CIMIP6: variants seen among roughly 807,000 people sequenced by gnomAD.
CIMIP6 encodes the protein ciliary microtubule inner protein 6.
the CIMIP6 span, among the ~76,000 whole-genome samples, chr2:54,347,043 C>A: frequency 6.6e-6 from 1 of 152,148 alleles, no homozygotes; most frequent in Non-Finnish European, 1.5e-5. Flanking sequence ...TGTTTCCAAA[C>A]CAGATTTATG....
At chr2:54,338,357 C>CAGTAAATTTTTTGTTAGTCTTTCCCT in the CIMIP6 span, among the ~76,000 whole-genome samples, 233 of 16,676 alleles carry the variant, frequency 0.014, 64 homozygotes, top group Non-Finnish European at 0.037. Flanking sequence ...ATGGCTTGAG[C>CAGTAAATTTTTTGTTAGTCTTTCCCT]TCAGGAGTTC....
the CIMIP6 span, among the ~76,000 whole-genome samples, chr2:54,341,405 G>C: frequency 6.6e-6 from 1 of 152,152 alleles, no homozygotes; most frequent in South Asian, 2.1e-4. Flanking sequence ...TACCAAACCT[G>C]CCAGTGCCTT....
At chr2:54,368,095 C>T in the CIMIP6 span, among the ~76,000 whole-genome samples, 2 of 152,140 alleles carry the variant, frequency 1.3e-5, no homozygotes, top group African/African-American at 4.8e-5. Flanking sequence ...ATTTTCATGA[C>T]TAGAATATTA....
chr2:54,342,817 AC>A, the CIMIP6 span, among the ~76,000 whole-genome samples: 2 of 152,156 alleles, frequency 1.3e-5, no homozygotes, highest in African/African-American at 2.4e-5. Flanking sequence ...ACCGGAAGTT[AC>A]TTTCATATCC....
chr2:54,335,149 G>A, the CIMIP6 span: 1 of 706,168 alleles, frequency 1.4e-6, no homozygotes. Flanking sequence ...TAATCCAATA[G>A]TTAAAAGCAG....
the CIMIP6 span, chr2:54,358,886 A>G: frequency 3.2e-6 from 2 of 617,512 alleles, no homozygotes; most frequent in Non-Finnish European, 5.4e-6. Flanking sequence ...CATATTTTAT[A>G]TTATTAATAC....
the CIMIP6 span, among the ~76,000 whole-genome samples, chr2:54,352,066 ATAAACT>A: frequency 6.6e-6 from 1 of 152,166 alleles, no homozygotes; most frequent in South Asian, 2.1e-4. Flanking sequence ...AATACTGTTT[ATAAACT>A]TAATCAGATT....
chr2:54,371,941 A>G, the CIMIP6 span, among the ~76,000 whole-genome samples: 1 of 152,198 alleles, frequency 6.6e-6, no homozygotes, highest in Non-Finnish European at 1.5e-5. Context: ...TATCTGTTAA[A>G]TGATAATGTG....
At chr2:54,371,082 T>C in the CIMIP6 span, among the ~76,000 whole-genome samples, 13 of 152,342 alleles carry the variant, frequency 8.5e-5, no homozygotes, top group East Asian at 2.5e-3. Context: ...CAGACACTGT[T>C]ATTCCTTTCC....
the CIMIP6 span, among the ~76,000 whole-genome samples, chr2:54,348,375 G>A: frequency 6.6e-6 from 1 of 152,188 alleles, no homozygotes; most frequent in East Asian, 1.9e-4. Flanking sequence ...TTTAGCTCAA[G>A]AACCTGGCAT....
chr2:54,378,080 A>G, the CIMIP6 span, among the ~76,000 whole-genome samples: 1 of 152,218 alleles, frequency 6.6e-6, no homozygotes, highest in Non-Finnish European at 1.5e-5. Flanking sequence ...CGGGAGCATC[A>G]GGACACAGCA....
chr2:54,369,596 G>A, the CIMIP6 span, among the ~76,000 whole-genome samples: 6 of 152,192 alleles, frequency 3.9e-5, no homozygotes, highest in Admixed American at 6.5e-5. Flanking sequence ...AATTTTCACT[G>A]GCAAATCAAA....
the CIMIP6 span, among the ~76,000 whole-genome samples, chr2:54,334,539 C>A: frequency 1.3e-5 from 2 of 152,188 alleles, no homozygotes; most frequent in Non-Finnish European, 2.9e-5. Context: ...ATAATCCAAT[C>A]ACTACTCTTT....
chr2:54,360,642 T>A, the CIMIP6 span: 4 of 1,349,756 alleles, frequency 3.0e-6, no homozygotes, highest in South Asian at 1.7e-5. Context: ...CACATTTACT[T>A]TTCTGTTATC....
chr2:54,346,884 A>T, the CIMIP6 span, among the ~76,000 whole-genome samples: 1 of 152,222 alleles, frequency 6.6e-6, no homozygotes, highest in South Asian at 2.1e-4. Context: ...TCATAGAATA[A>T]ATTTCAAATT....
the CIMIP6 span, among the ~76,000 whole-genome samples, chr2:54,353,035 A>G: frequency 6.6e-6 from 1 of 152,194 alleles, no homozygotes; most frequent in Non-Finnish European, 1.5e-5. Context: ...TAATGATGAC[A>G]GATTTTGCTT....
the CIMIP6 span, among the ~76,000 whole-genome samples, chr2:54,339,644 G>A: frequency 2.7e-5 from 2 of 74,860 alleles, 1 homozygote; most frequent in Non-Finnish European, 7.0e-5. Flanking sequence ...GTTTGTGATA[G>A]TACTTCAATT....
the CIMIP6 span, among the ~76,000 whole-genome samples, chr2:54,357,728 C>A: frequency 6.7e-6 from 1 of 148,858 alleles, no homozygotes; most frequent in Non-Finnish European, 1.5e-5. Context: ...AGGCGTTCAC[C>A]ACCACGCCCA....
the CIMIP6 span, among the ~76,000 whole-genome samples, chr2:54,378,584 T>G: frequency 2.6e-4 from 39 of 152,136 alleles, no homozygotes; most frequent in Non-Finnish European, 5.1e-4. Flanking sequence ...GAAACAGAAA[T>G]GCCCAGCTTT....
Sources: gnomAD v4.1 joint callset for allele counts (sites outside exome capture counted in the v4.1 genomes callset) on GRCh38, gnomAD v4.1.1 for gene constraint, MANE v1.5 for transcripts, NCBI Gene and HGNC (gene_info 2026-07-23, HGNC 2026-07-21) for gene names.